Variants in CENPQ observed in about 807,000 individuals in gnomAD.
CENPQ encodes chromosome 6 open reading frame 139.
A neutral mutation model predicts 36.6 loss-of-function variants in CENPQ; 27 were observed. That is an observed-to-expected ratio of 0.74 (90% CI 0.54 to 1.02). The LOEUF (loss-of-function observed/expected upper bound fraction) is 1.02, where lower values mean the gene tolerates loss of function less well. Ranked by LOEUF, CENPQ falls within the 50% of genes least tolerant of loss-of-function variation. CENPQ has a pLI of 0.00. For synonymous variants in CENPQ, 101 were observed against 101.7 expected, an observed-to-expected ratio of 0.99 and a Z score of 0.04; for missense variants, 306 against 301.8, an observed-to-expected ratio of 1.01 and a Z score of -0.10.
chr6:49,483,900 C>T (rs1317821027), intron 6 of CENPQ, among the ~76,000 whole-genome samples: 1 of 152,252 alleles, frequency 6.6e-6, no homozygotes, highest in East Asian at 1.9e-4. Context: ...CCTCAAGTGC[C>T]GCCAAAGTGG....
At chr6:49,480,542 G>C (rs574549211) in intron 5 of CENPQ, among the ~76,000 whole-genome samples, 1 of 152,042 alleles carries the variant, frequency 6.6e-6, no homozygotes, top group East Asian at 1.9e-4. Context: ...TGAGATTTGG[G>C]GTCCAGGGTC....
chr6:49,490,316 A>T (rs1458157041), intron 8 of CENPQ, among the ~76,000 whole-genome samples: 1 of 152,120 alleles, frequency 6.6e-6, no homozygotes, highest in African/African-American at 2.4e-5. Context: ...CTTTCCTTAA[A>T]CCTTATGAAC....
intron 8 of CENPQ, among the ~76,000 whole-genome samples, chr6:49,490,950 C>T (rs1400904691): frequency 6.6e-6 from 1 of 151,996 alleles, no homozygotes; most frequent in Non-Finnish European, 1.5e-5. Context: ...TAACAGATAC[C>T]GTAATAATTT....
intron 5 of CENPQ, among the ~76,000 whole-genome samples, chr6:49,474,597 A>G (rs1487493425): frequency 1.3e-5 from 2 of 152,244 alleles, no homozygotes; most frequent in Non-Finnish European, 2.9e-5. Flanking sequence ...CACAATTAAA[A>G]GAACTAGAGA....
rs1405773097 is a variant in CENPQ, at chr6:49,492,925, A to G, written c.*650A>G. The G allele has an allele frequency of 1.3e-5, 2 of 152,608 alleles. No homozygotes were observed. 9.5% of individuals were successfully genotyped at this position (152,608 alleles called of 1,614,324 possible). On this transcript the variant is annotated 3_prime_UTR_variant, in exon 9 of 9. Coordinates refer to ENST00000335783, the MANE Select transcript of CENPQ (RefSeq NM_018132.4). ...ATTAAAAAGGAACCTTAGCACATTTATTTTATTAAAACAAGAAAACCCAAA... is the reference window on the plus strand; with the variant it reads ...ATTAAAAAGGAACCTTAGCACATTTGTTTTATTAAAACAAGAAAACCCAAA...
intron 1 of CENPQ, among the ~76,000 whole-genome samples, chr6:49,467,013 T>C (rs1012614176): frequency 1.3e-5 from 2 of 152,100 alleles, no homozygotes; most frequent in Non-Finnish European, 2.9e-5. Context: ...TACTCAGGGG[T>C]TGGAAGTATT....
chr6:49,472,850 G>A lies in CENPQ; in HGVS notation c.339G>A (p.Leu113=). The change falls in exon 5 of 9, where the codon CTG becomes CTA. Residue 113 remains leucine (L), a synonymous_variant. Transcript: ENST00000335783. ...AAATACAATACCATCTCAACTTCCT[G>A]AAGAAAAGGTAATACTATTGCATAA... ...KEEIQYHLNF[L]KKRLLQQCET... The A allele has an allele frequency of 1.4e-6, 2 of 1,436,842 alleles. No individual in the cohort carries two copies. Among genetic ancestry groups the A allele is most frequent in the Non-Finnish European group, 1.9e-6 (2 of 1,059,156 alleles). 89.0% of individuals were successfully genotyped at this position (1,436,842 alleles called of 1,614,324 possible). A position where few individuals can be genotyped will look rare whatever the true frequency, so the allele number is the denominator to read the frequency against.
At chr6:49,481,963 G>T (rs1257391315) in intron 6 of CENPQ, among the ~76,000 whole-genome samples, 2 of 152,202 alleles carry the variant, frequency 1.3e-5, no homozygotes, top group Non-Finnish European at 2.9e-5. Flanking sequence ...CCTGAGCCCT[G>T]CCCCACAGGG....
chr6:49,481,193 C>A (rs1372878383), intron 6 of CENPQ, 113 bp downstream of exon 6: 1 of 879,160 alleles, frequency 1.1e-6, no homozygotes, highest in Non-Finnish European at 1.6e-6. Context: ...GATCTTGAAC[C>A]AGGTTTTTTC....
chr6:49,470,677 T>TG (rs1768110710), intron 2 of CENPQ, among the ~76,000 whole-genome samples: 1 of 149,732 alleles, frequency 6.7e-6, no homozygotes, highest in African/African-American at 2.5e-5. Flanking sequence ...CATTAGGCAA[T>TG]GCCTATATTT....
At chr6:49,473,887 G>A (rs1279240304) in intron 5 of CENPQ, among the ~76,000 whole-genome samples, 9 of 152,124 alleles carry the variant, frequency 5.9e-5, no homozygotes, top group Non-Finnish European at 1.3e-4. Context: ...TGATAAAACA[G>A]ACTTTAAACC....
intron 1 of CENPQ, among the ~76,000 whole-genome samples, chr6:49,468,084 CAATT>C: frequency 6.6e-6 from 1 of 152,172 alleles, no homozygotes; most frequent in East Asian, 1.9e-4. Context: ...ATTTTTTACT[CAATT>C]AATTTGTTCC....
rs1768159233 is a variant in CENPQ, at chr6:49,472,252, T to C, written c.278+69T>C. 9.7e-6 allele frequency: 12 copies of C among 1,236,164 alleles called. No homozygotes were observed. In the South Asian group the frequency reaches 2.1e-4, roughly 21 times the overall value. 76.6% of individuals were successfully genotyped at this position (1,236,164 alleles called of 1,614,324 possible). ...AGGTGTTTCCTATGGATATTATTCT[T>C]TTAAATATTGCTATCTATTTTAAGG... is the stretch of plus-strand genomic sequence containing the variant. On this transcript the variant is annotated intron_variant, in intron 4 of 8. Transcript: ENST00000335783.
In CENPQ at chr6:49,470,119, GTAT is replaced by G. The variant is rs1768092034; in HGVS notation, c.-18-35_-18-33del. On this transcript the variant is annotated intron_variant, in intron 1 of 8. Transcript: ENST00000335783. ...ATTGTGCAAGGCTTTAGCTTTTTTT[GTAT>G]TATTTTCATCTTTACAGATTTTTTT... 1.3e-5 allele frequency: 11 copies of G among 857,114 alleles called. No homozygotes were observed. The South Asian group carries it at 1.7e-4, about 13-fold the overall frequency. 53.1% of individuals were successfully genotyped at this position (857,114 alleles called of 1,614,324 possible).
At chr6:49,485,420 C>G (rs1044949343) in intron 6 of CENPQ, among the ~76,000 whole-genome samples, 1 of 151,906 alleles carries the variant, frequency 6.6e-6, no homozygotes, top group Non-Finnish European at 1.5e-5. Flanking sequence ...AAAAATGGAG[C>G]CATAGGATTT....
In CENPQ at chr6:49,492,168, A is replaced by T; in HGVS notation, c.700A>T (p.Asn234Tyr). ...GAAAGAAATTTTGGCGCTAATTCCA[A>T]ACCAGAATGCTCTTCTAAAGGACTT... ...LQKEILALIP[N>Y]QNALLKDLDI... Residue 234 changes from asparagine (N) to tyrosine (Y), a missense_variant, in exon 9 of 9, where the codon AAC becomes TAC. Coordinates refer to ENST00000335783, the MANE Select transcript of CENPQ (RefSeq NM_018132.4). 6.2e-7 allele frequency: 1 copy of T among 1,602,782 alleles called. No individual in the cohort carries two copies. Among genetic ancestry groups the T allele is most frequent in the Non-Finnish European group, 8.5e-7 (1 of 1,177,212 alleles).
intron 1 of CENPQ, among the ~76,000 whole-genome samples, chr6:49,467,790 G>A (rs1768037486): frequency 6.6e-6 from 1 of 152,168 alleles, no homozygotes; most frequent in Non-Finnish European, 1.5e-5. Flanking sequence ...GACTTAGAGA[G>A]AAATGAAGTA....
intron 1 of CENPQ, among the ~76,000 whole-genome samples, chr6:49,465,712 C>CT (rs1767984901): frequency 6.6e-6 from 1 of 152,216 alleles, no homozygotes; most frequent in Non-Finnish European, 1.5e-5. Flanking sequence ...TCTCACCTCT[C>CT]TCAGCTTTCA....
chr6:49,485,487 G>T (rs1170560668), intron 6 of CENPQ, among the ~76,000 whole-genome samples: 2 of 151,960 alleles, frequency 1.3e-5, no homozygotes, highest in Non-Finnish European at 2.9e-5. Flanking sequence ...TAACATTCCT[G>T]ATACACCGAA....
Sources: gnomAD v4.1 joint callset for allele counts (sites outside exome capture counted in the v4.1 genomes callset) on GRCh38, gnomAD v4.1.1 for gene constraint, MANE v1.5 for transcripts, NCBI Gene and HGNC (gene_info 2026-07-23, HGNC 2026-07-21) for gene names.